The following CNTN5 variants were observed in gnomAD, a reference collection of about 807,000 sequenced individuals.
CNTN5 encodes contactin-5.
In CNTN5, 77 loss-of-function variants were observed where a neutral mutation model predicts 129.1. The observed-to-expected ratio is 0.60, with a 90% CI of 0.50 to 0.72. CNTN5 has a LOEUF of 0.72. Among genes scored for constraint, CNTN5 ranks in the 30% least tolerant of loss-of-function variants. The pLI is 0.00. For synonymous variants in CNTN5, 509 were observed against 465.6 expected, an observed-to-expected ratio of 1.09 and a Z score of -1.20; for missense variants, 1,478 against 1,328.8, an observed-to-expected ratio of 1.11 and a Z score of -1.75.
intron 9 of CNTN5, among the ~76,000 whole-genome samples, chr11:100,046,192 A>T (rs544372389): frequency 1.9e-4 from 29 of 152,116 alleles, no homozygotes; most frequent in African/African-American, 6.5e-4. Flanking sequence ...ATGCTAAATG[A>T]TGAGTTAATG....
intron 11 of CNTN5, among the ~76,000 whole-genome samples, chr11:100,070,888 T>A (rs138045265): frequency 2.6e-5 from 4 of 152,122 alleles, no homozygotes; most frequent in Non-Finnish European, 4.4e-5. Context: ...TATGAAACTA[T>A]CAATATTATC....
chr11:100,317,280 A>AT (rs1951589908), intron 21 of CNTN5, among the ~76,000 whole-genome samples: 1 of 152,254 alleles, frequency 6.6e-6, no homozygotes, highest in South Asian at 2.1e-4. Context: ...TTTACTTTGT[A>AT]TGGGGGGGAG....
At chr11:99,841,640 A>G (rs1377972924) in intron 4 of CNTN5, among the ~76,000 whole-genome samples, 1 of 151,706 alleles carries the variant, frequency 6.6e-6, no homozygotes, top group Non-Finnish European at 1.5e-5. Context: ...GCAGAAGAGG[A>G]GGAGGAGAAT....
At chr11:99,296,584 T>G (rs575997923) in intron 1 of CNTN5, among the ~76,000 whole-genome samples, 15 of 152,300 alleles carry the variant, frequency 9.8e-5, no homozygotes, top group Non-Finnish European at 1.8e-4. Flanking sequence ...GCTCATCAGG[T>G]AGCCAAATGT....
intron 2 of CNTN5, among the ~76,000 whole-genome samples, chr11:99,447,445 T>A (rs969854391): frequency 5.3e-5 from 8 of 152,198 alleles, no homozygotes; most frequent in African/African-American, 1.9e-4. Context: ...TCTGAAAATA[T>A]AAGAAGATAA....
intron 2 of CNTN5, among the ~76,000 whole-genome samples, chr11:99,410,663 C>T (rs2135006617): frequency 6.6e-6 from 1 of 152,278 alleles, no homozygotes; most frequent in South Asian, 2.1e-4. Flanking sequence ...CAACAATCAG[C>T]AAACTTTTCA....
At chr11:99,505,917 G>T (rs1946600435) in intron 2 of CNTN5, among the ~76,000 whole-genome samples, 2 of 152,168 alleles carry the variant, frequency 1.3e-5, no homozygotes, top group Non-Finnish European at 2.9e-5. Flanking sequence ...CCAAGGGCTA[G>T]CTAATTGCCA....
intron 2 of CNTN5, among the ~76,000 whole-genome samples, chr11:99,334,799 G>A (rs1018909758): frequency 1.6e-4 from 24 of 149,774 alleles, no homozygotes; most frequent in Admixed American, 1.3e-3. Flanking sequence ...TAGATATATT[G>A]GGTTAACAAA....
At chr11:99,712,915 T>C (rs544077535) in intron 3 of CNTN5, among the ~76,000 whole-genome samples, 8 of 152,288 alleles carry the variant, frequency 5.3e-5, no homozygotes, top group African/African-American at 1.9e-4. Context: ...GGTAGAGTGA[T>C]GTCTCCAGCT....
intron 8 of CNTN5, among the ~76,000 whole-genome samples, chr11:99,994,350 T>C (rs1025052655): frequency 1.6e-4 from 25 of 152,104 alleles, no homozygotes; most frequent in African/African-American, 6.0e-4. Context: ...ATAAAAAGAA[T>C]ACTAAAGAAT....
intron 3 of CNTN5, among the ~76,000 whole-genome samples, chr11:99,580,675 T>C (rs2135613473): frequency 6.6e-6 from 1 of 152,282 alleles, no homozygotes; most frequent in South Asian, 2.1e-4. Context: ...TCGGTGGTGA[T>C]ATCCCCTTTG....
At chr11:100,236,119 T>C (rs998645794) in intron 16 of CNTN5, among the ~76,000 whole-genome samples, 6 of 152,218 alleles carry the variant, frequency 3.9e-5, no homozygotes, top group African/African-American at 1.2e-4. Context: ...TATTTTTCCC[T>C]GTTCAGGGAA....
intron 3 of CNTN5, among the ~76,000 whole-genome samples, chr11:99,778,926 T>A (rs901480437): frequency 2.0e-5 from 3 of 149,830 alleles, no homozygotes; most frequent in Non-Finnish European, 4.5e-5. Flanking sequence ...TCTCAAATAA[T>A]TCTATATAAG....
At chr11:99,182,665 T>A (rs1858135968) in intron 1 of CNTN5, among the ~76,000 whole-genome samples, 1 of 152,134 alleles carries the variant, frequency 6.6e-6, no homozygotes, top group African/African-American at 2.4e-5. Context: ...AAATTAGAAA[T>A]CAAAGATAAA....
At chr11:100,335,370 G>A (rs1386285122) in intron 21 of CNTN5, among the ~76,000 whole-genome samples, 1 of 152,190 alleles carries the variant, frequency 6.6e-6, no homozygotes, top group Non-Finnish European at 1.5e-5. Flanking sequence ...TGCATGACAT[G>A]AATATCATAG....
intron 8 of CNTN5, among the ~76,000 whole-genome samples, chr11:99,964,431 G>T (rs943482987): frequency 6.6e-6 from 1 of 152,058 alleles, no homozygotes; most frequent in Non-Finnish European, 1.5e-5. Flanking sequence ...GGTTTTTGCC[G>T]TTGGTTCTGT....
At chr11:99,198,398 C>G (rs981753743) in intron 1 of CNTN5, among the ~76,000 whole-genome samples, 3 of 152,106 alleles carry the variant, frequency 2.0e-5, no homozygotes, top group Admixed American at 1.3e-4. Context: ...CCTAAGAGTA[C>G]AATAAACTAA....
At chr11:99,685,037 G>C (rs572135661) in intron 3 of CNTN5, among the ~76,000 whole-genome samples, 2 of 150,458 alleles carry the variant, frequency 1.3e-5, no homozygotes, top group African/African-American at 2.5e-5. Context: ...TTTTTCTAAG[G>C]TATGTATTTA....
intron 17 of CNTN5, among the ~76,000 whole-genome samples, chr11:100,268,572 A>G (rs1950350091): frequency 6.6e-6 from 1 of 152,192 alleles, no homozygotes; most frequent in Non-Finnish European, 1.5e-5. Flanking sequence ...GAAGACTGAG[A>G]ATTGATCATT....
Sources: gnomAD v4.1 joint callset for allele counts (sites outside exome capture counted in the v4.1 genomes callset) on GRCh38, gnomAD v4.1.1 for gene constraint, MANE v1.5 for transcripts, NCBI Gene and HGNC (gene_info 2026-07-23, HGNC 2026-07-21) for gene names.